The following CX3CR1 variants were observed in gnomAD, a reference collection of about 807,000 sequenced individuals.
CX3CR1 encodes C-X3-C motif chemokine receptor 1.
For synonymous variants in CX3CR1, 168 were observed against 178.5 expected, an observed-to-expected ratio of 0.94 and a Z score of 0.47; for missense variants, 363 against 432.4, an observed-to-expected ratio of 0.84 and a Z score of 1.42.
At chr3:39,284,782 C>G (rs574357969), upstream of CX3CR1, among the ~76,000 whole-genome samples, 1 of 152,244 alleles carries the variant, frequency 6.6e-6, no homozygotes, top group African/African-American at 2.4e-5. Context: ...GAAAAAGGGT[C>G]AAGTCAGGAT....
chr3:39,287,549 C>T, the CX3CR1 span: 2 of 152,152 alleles, frequency 1.3e-5, no homozygotes, highest in African/African-American at 2.4e-5. Context: ...GCTTGGTAAA[C>T]GGACTTCAGA....
At position 39,263,791 on chromosome 3, in the gene CX3CR1, T is replaced by A. The variant is rs967928325; in HGVS notation, c.*1651A>T. Reference sequence around the variant, plus strand: ...AACGTTAAGAGGAAAACAAATCAGATTATAAAACCATCTGTACATTACGAT... The same window carrying A: ...AACGTTAAGAGGAAAACAAATCAGAATATAAAACCATCTGTACATTACGAT... On this transcript the variant is annotated 3_prime_UTR_variant, in exon 2 of 2. Coordinates refer to ENST00000399220, the MANE Select transcript of CX3CR1 (RefSeq NM_001337.4). 9 of 152,216 alleles carry A rather than the reference T, an allele frequency of 5.9e-5. No homozygotes were observed. Among genetic ancestry groups the A allele is most frequent in the African/African-American group, 1.9e-4 (8 of 41,442 alleles). The allele number at this position is 152,216 out of a possible 1,614,324, so 9.4% of individuals were successfully genotyped here. A position where few individuals can be genotyped will look rare whatever the true frequency, so the allele number is the denominator to read the frequency against.
intron 1 of CX3CR1, 107 bp from the exon 2 acceptor site, chr3:39,266,625 G>T (rs2040704533): frequency 9.2e-7 from 1 of 1,081,382 alleles, no homozygotes; most frequent in African/African-American, 1.5e-5. Context: ...AATATTGGTT[G>T]GGTGCACACT....
At chr3:39,281,114 C>T, upstream of CX3CR1, 1 of 993,772 alleles carries the variant, frequency 1.0e-6, no homozygotes, top group Non-Finnish European at 1.2e-6. Flanking sequence ...CCTCACCTCC[C>T]CCAACCCCAG....
At chr3:39,269,288 G>A (rs1485665311) in intron 1 of CX3CR1, among the ~76,000 whole-genome samples, 1 of 152,222 alleles carries the variant, frequency 6.6e-6, no homozygotes, top group Non-Finnish European at 1.5e-5. Context: ...GCCTGGTGGA[G>A]TGGCAGAGGG....
At chr3:39,275,178 C>T (rs777209159) in intron 1 of CX3CR1, among the ~76,000 whole-genome samples, 15 of 152,172 alleles carry the variant, frequency 9.9e-5, no homozygotes, top group Admixed American at 2.6e-4. Flanking sequence ...CTTTTACATA[C>T]TTTCTCCTCT....
intron 1 of CX3CR1, among the ~76,000 whole-genome samples, chr3:39,274,481 C>CAAAAAA (rs10663570): frequency 1.1e-4 from 10 of 88,256 alleles, no homozygotes; most frequent in East Asian, 3.0e-4. Context: ...CAACCACCAC[C>CAAAAAA]AAAAAAAAAA....
chr3:39,289,151 T>TAAA, the CX3CR1 span, among the ~76,000 whole-genome samples: 1 of 141,880 alleles, frequency 7.0e-6, no homozygotes, highest in Non-Finnish European at 1.5e-5. Flanking sequence ...AGACTCCATC[T>TAAA]AAAAAAAAAA....
In CX3CR1 at chr3:39,266,390, G is replaced by C; in HGVS notation, c.120C>G (p.Val40=). Residue 40 remains valine, a synonymous_variant, in exon 2 of 2, where the codon GTC becomes GTG. Transcript: ENST00000399220. ...GTVFLSIFYS[V]IFAIGLVGNL... ...TTCCCACCAGGCCAATGGCAAAGAT[G>C]ACGGAGTAGAATATGGACAGGAACA... The C allele has an allele frequency of 6.2e-7, 1 of 1,614,090 alleles. No individual in the cohort carries two copies. The highest frequency in any genetic ancestry group is 8.5e-7 in the Non-Finnish European group (1 of 1,180,050).
At chr3:39,280,041 T>A, upstream of CX3CR1, 1 of 985,388 alleles carries the variant, frequency 1.0e-6, no homozygotes, top group Non-Finnish European at 1.2e-6. Flanking sequence ...TATTTCCCTT[T>A]CCTTCCCTCT....
intron 1 of CX3CR1, among the ~76,000 whole-genome samples, chr3:39,276,701 G>A (rs56039226): frequency 0.025 from 3,823 of 152,288 alleles, 88 homozygotes; most frequent in East Asian, 0.069. Context: ...GAAAATTTTT[G>A]TGCATGTACA....
the CX3CR1 span, among the ~76,000 whole-genome samples, chr3:39,290,340 G>C: frequency 6.6e-6 from 1 of 151,884 alleles, no homozygotes; most frequent in Non-Finnish European, 1.5e-5. Flanking sequence ...ATGCCGATCA[G>C]AGGTGGGGAT....
chr3:39,283,831 ATATATATATAAT>A (rs1388517119), upstream of CX3CR1, among the ~76,000 whole-genome samples: 98 of 126,834 alleles, frequency 7.7e-4, 1 homozygote, highest in Non-Finnish European at 9.3e-4. Context: ...ATATATATAT[ATATATATATAAT>A]GTGGTTAATA....
At chr3:39,285,652 G>C (rs955737120), upstream of CX3CR1, among the ~76,000 whole-genome samples, 1 of 152,096 alleles carries the variant, frequency 6.6e-6, no homozygotes, top group Non-Finnish European at 1.5e-5. Context: ...AAAAATATCT[G>C]TCTGCAGACA....
chr3:39,266,597 G>T, intron 1 of CX3CR1, 79 bp from the exon 2 acceptor site: 3 of 1,404,434 alleles, frequency 2.1e-6, no homozygotes, highest in Non-Finnish European at 3.0e-6. Context: ...CTCATATGTA[G>T]GCAGGCAGGA....
In CX3CR1 at chr3:39,265,344, G is replaced by A; in HGVS notation, c.*98C>T. On this transcript the variant is annotated 3_prime_UTR_variant, in exon 2 of 2. Transcript: ENST00000399220. ...TTGTGTGCATTGGGTCCATCATTTT[G>A]TGCCTGTAAGAAATAACAACAAAAA... 1 of 1,291,234 alleles carries A rather than the reference G, an allele frequency of 7.7e-7. No homozygotes were observed. Among genetic ancestry groups the A allele is most frequent in the Non-Finnish European group, 1.1e-6 (1 of 935,226 alleles). 80.0% of individuals were successfully genotyped at this position (1,291,234 alleles called of 1,614,324 possible).
rs17038674 is a variant in CX3CR1, at chr3:39,265,114, C to T, written c.*328G>A. The T allele has an allele frequency of 0.031, 6,701 of 218,356 alleles. 153 individuals carry two copies. Among genetic ancestry groups the T allele is most frequent in the Middle Eastern group, 0.092 (56 of 606 alleles). 13.5% of individuals were successfully genotyped at this position (218,356 alleles called of 1,614,324 possible). ...TCCCCTCACTTTGAGGGCTCAGACACCCTTTTGCTTGTGCCACAATATGAA... is the reference window on the plus strand; with the variant it reads ...TCCCCTCACTTTGAGGGCTCAGACATCCTTTTGCTTGTGCCACAATATGAA... On this transcript the variant is annotated 3_prime_UTR_variant, in exon 2 of 2. Transcript: ENST00000399220.
upstream of CX3CR1, among the ~76,000 whole-genome samples, chr3:39,283,798 TA>T (rs2040925873): frequency 4.9e-3 from 140 of 28,728 alleles, no homozygotes; most frequent in Non-Finnish European, 7.3e-3. Context: ...AAAAAAATTA[TA>T]TATATATATA....
At chr3:39,283,795 T>TTTTATATATATATATATATA (rs1553606448), upstream of CX3CR1, among the ~76,000 whole-genome samples, 2 of 65,290 alleles carry the variant, frequency 3.1e-5, no homozygotes, top group Non-Finnish European at 5.6e-5. Flanking sequence ...AAAAAAAAAA[T>TTTTATATATATATATATATA]TATATATATA....
Sources: gnomAD v4.1 joint callset for allele counts (sites outside exome capture counted in the v4.1 genomes callset) on GRCh38, gnomAD v4.1.1 for gene constraint, MANE v1.5 for transcripts, NCBI Gene and HGNC (gene_info 2026-07-23, HGNC 2026-07-21) for gene names.